PKD1L3: variants seen among roughly 807,000 people sequenced by gnomAD.
PKD1L3 encodes polycystin-1-like protein 3.
In PKD1L3, 239 loss-of-function variants were observed where a neutral mutation model predicts 184.1. The observed-to-expected ratio is 1.30, with a 90% CI of 1.17 to 1.45. The LOEUF is 1.45. Among genes scored for constraint, PKD1L3 ranks in the 40% most tolerant of loss-of-function variants. PKD1L3 has a pLI of 0.00. For synonymous variants in PKD1L3, 996 were observed against 778.8 expected (o/e 1.28, Z -4.64); for missense variants, 2,660 against 2,067.2 (o/e 1.29, Z -5.56).
At chr16:71,931,573 T>TCC (rs2037970954) in intron 28 of PKD1L3, among the ~76,000 whole-genome samples, 1 of 149,894 alleles carries the variant, frequency 6.7e-6, no homozygotes, top group South Asian at 2.1e-4. Flanking sequence ...CAAGCGATTC[T>TCC]CCTCAGTCAG....
chr16:71,937,366 T>G lies in PKD1L3; in HGVS notation c.4378A>C (p.Lys1460Gln). The stretch of plus-strand genomic sequence containing the variant: ...ATGATAGACCAGACACAGCCCTTCT[T>G]TGACATCTGAAGGGAAGTGAAGCTT... ...LESFTSLQMSKKGCVWSIISQ... is the reference protein window; with the variant it reads ...LESFTSLQMSQKGCVWSIISQ... Residue 1460 changes from lysine to glutamine, a missense_variant, in exon 25 of 30, where the codon AAG becomes CAG. By Grantham distance (53) the Lys-to-Gln change is moderately conservative. Transcript: ENST00000620267. 6.4e-7 allele frequency: 1 copy of G among 1,551,566 alleles called. No individual in the cohort carries two copies. The highest frequency in any genetic ancestry group is 1.4e-5 in the African/African-American group (1 of 73,158).
rs192243501 is a variant in PKD1L3 at position 71,977,919 on chromosome 16, C to A, written c.1527+336G>T. Among the ~76,000 whole-genome samples, 330 of 152,154 alleles carry A rather than the reference C, an allele frequency of 2.2e-3. 1 individual carries two copies. The highest frequency in any genetic ancestry group is 3.6e-3 in the Non-Finnish European group (248 of 67,980). ...CCTCCAGAGTAGCTGGGATAACAGC[C>A]ACCCACTGCCATGCCAGTTAATTTT... On this transcript the variant is annotated intron_variant, in intron 10 of 29. Transcript: ENST00000620267.
chr16:71,966,549 C>T lies in PKD1L3; in HGVS notation c.2465+588G>A, dbSNP rs186494763. Among the ~76,000 whole-genome samples, 117 of 151,846 alleles carry T rather than the reference C, an allele frequency of 7.7e-4. 2 individuals carry two copies. The Middle Eastern group carries it at 0.017, about 22-fold the overall frequency. ...TCAAGTTATCCTCCCACTTCAGTCT[C>T]CTGAGTAGCTGGGATTATAGGTGCA... On this transcript the variant is annotated intron_variant, in intron 15 of 29. Coordinates refer to ENST00000620267, the MANE Select transcript of PKD1L3 (RefSeq NM_181536.2).
intron 21 of PKD1L3, 49 bp downstream of exon 21, chr16:71,949,734 G>A: frequency 1.3e-6 from 2 of 1,488,210 alleles, no homozygotes; most frequent in East Asian, 4.9e-5. Flanking sequence ...AGGGACCTCA[G>A]TTCCCCTAAC....
At chr16:71,954,350 G>A in intron 16 of PKD1L3, 49 bp from the exon 17 acceptor site, 2 of 1,405,712 alleles carry the variant, frequency 1.4e-6, no homozygotes, top group Non-Finnish European at 1.9e-6. Flanking sequence ...TATTCTGAAA[G>A]TGCACCAGTT....
intron 28 of PKD1L3, among the ~76,000 whole-genome samples, chr16:71,932,038 C>T (rs1248905308): frequency 6.6e-6 from 1 of 152,162 alleles, no homozygotes; most frequent in Non-Finnish European, 1.5e-5. Flanking sequence ...GCTACCATGC[C>T]TGACTCTTCT....
chr16:71,936,710 C>A (rs1052057434), intron 25 of PKD1L3, among the ~76,000 whole-genome samples: 3 of 152,072 alleles, frequency 2.0e-5, no homozygotes, highest in Non-Finnish European at 2.9e-5. Flanking sequence ...TGGTCTCGAA[C>A]TCCCTCAGGT....
At chr16:71,929,914 T>A in intron 29 of PKD1L3, 138 bp downstream of exon 29, 1 of 1,161,166 alleles carries the variant, frequency 8.6e-7, no homozygotes, top group Non-Finnish European at 1.2e-6. Flanking sequence ...GGAAGATAGC[T>A]GGCAGAGCTT....
chr16:71,999,961 T>C lies in PKD1L3; in HGVS notation c.18A>G (p.Gly6=), dbSNP rs2040913501. The change falls in exon 1 of 30, where the codon GGA becomes GGG. Residue 6 remains glycine, a synonymous_variant. Coordinates refer to ENST00000620267, the MANE Select transcript of PKD1L3 (RefSeq NM_181536.2). ...TTCTGATGTATAACCAAAGCCAGCT[T>C]CCTCCTTTGAAGAACATTTTCTCTG... MFFKG[G]SWLWLYIRTS... is the part of the protein sequence containing the mutation. The C allele has an allele frequency of 1.3e-6, 2 of 1,525,068 alleles. No individual in the cohort carries two copies. Among genetic ancestry groups the C allele is most frequent in the African/African-American group, 2.8e-5 (2 of 72,502 alleles). 94.5% of individuals were successfully genotyped at this position (1,525,068 alleles called of 1,614,324 possible). A position where few individuals can be genotyped will look rare whatever the true frequency, so the allele number is the denominator to read the frequency against.
chr16:71,990,412 G>T, intron 3 of PKD1L3, 83 bp from the exon 4 acceptor site: 1 of 1,186,320 alleles, frequency 8.4e-7, no homozygotes, highest in Non-Finnish European at 1.2e-6. Flanking sequence ...TCTTATTCAT[G>T]GCTAAAAATA....
At chr16:71,983,086 CA>C (rs1200904571) in intron 6 of PKD1L3, among the ~76,000 whole-genome samples, 1 of 151,964 alleles carries the variant, frequency 6.6e-6, no homozygotes, top group Non-Finnish European at 1.5e-5. Flanking sequence ...GTGAGTAGAC[CA>C]AATATCCAAT....
At position 71,993,295 on chromosome 16, in the gene PKD1L3, A is replaced by T; in HGVS notation, c.456T>A (p.Asn152Lys). The stretch of plus-strand genomic sequence containing the variant: ...TCTGGTACAAATGGGAATTATTTCC[A>T]TTTCTTTCATAATGGGCATCTCCGT... ...FLDGDAHYER[N>K]GNNSHLYQRH... The change falls in exon 3 of 30, where the codon AAT (asparagine) becomes AAA (lysine). Residue 152 changes from asparagine (N) to lysine (K), a missense_variant. Asn to Lys is a moderately conservative substitution (Grantham distance 94). Coordinates refer to ENST00000620267, the MANE Select transcript of PKD1L3 (RefSeq NM_181536.2). 1 of 1,549,094 alleles carries T rather than the reference A, an allele frequency of 6.5e-7. No homozygotes were observed. The highest frequency in any genetic ancestry group is 8.7e-7 in the Non-Finnish European group (1 of 1,146,248).
intron 16 of PKD1L3, among the ~76,000 whole-genome samples, chr16:71,959,164 C>T (rs1309358143): frequency 6.6e-6 from 1 of 151,104 alleles, no homozygotes; most frequent in Non-Finnish European, 1.5e-5. Context: ...GTAATCTCAG[C>T]ACTTTGGGAG....
intron 15 of PKD1L3, 58 bp from the exon 16 acceptor site, chr16:71,963,409 G>C (rs2039362697): frequency 1.4e-6 from 2 of 1,445,912 alleles, no homozygotes; most frequent in Non-Finnish European, 1.9e-6. Flanking sequence ...GTTGTCTGTA[G>C]TAAGACGTAA....
rs74863398 is a variant in PKD1L3 at position 71,977,383 on chromosome 16, C to G, written c.1612G>C (p.Val538Leu). The change falls in exon 11 of 30, where the codon GTC becomes CTC. Residue 538 changes from valine (V) to leucine (L), a missense_variant. Coordinates refer to ENST00000620267, the MANE Select transcript of PKD1L3 (RefSeq NM_181536.2). ...STHQLTITVN[V>L]TSLEKSLIVS... ...ATCAAGGATTTCTCCAAGGAAGTGA[C>G]GTTCACTGTGATTGTAAGCTGATGT... 9 of 1,551,244 alleles carry G rather than the reference C, an allele frequency of 5.8e-6. No homozygotes were observed. Among genetic ancestry groups the G allele is most frequent in the Non-Finnish European group, 7.8e-6 (9 of 1,146,632 alleles).
At chr16:71,996,478 T>C (rs1359466259) in intron 2 of PKD1L3, among the ~76,000 whole-genome samples, 2 of 152,050 alleles carry the variant, frequency 1.3e-5, no homozygotes, top group South Asian at 2.1e-4. Context: ...GCCAGGATGG[T>C]CTCAATCTCT....
Position 71,999,687 on chromosome 16 carries a change from G to C in PKD1L3, c.292C>G (p.Pro98Ala). ...PLKKHQDNKY[P>A]ADVAANGPPK... ...ACACTGAACCCCAGGGTCTTACCTG[G>C]GTATTTGTTGTCTTGATGCTTTTTC... The change falls in exon 1 of 30, where the codon CCA becomes GCA. Residue 98 changes from proline to alanine, a missense_variant. Transcript: ENST00000620267. The C allele has an allele frequency of 6.5e-7, 1 of 1,543,216 alleles. No individual in the cohort carries two copies. The highest frequency in any genetic ancestry group is 2.5e-5 in the East Asian group (1 of 40,712).
At chr16:71,953,929 T>C (rs1161160459) in intron 17 of PKD1L3, among the ~76,000 whole-genome samples, 176 bp downstream of exon 17, 2 of 152,014 alleles carry the variant, frequency 1.3e-5, no homozygotes, top group Non-Finnish European at 2.9e-5. Flanking sequence ...AAGTATTGCA[T>C]AGTAGGCTGG....
chr16:71,995,256 T>C (rs114014157), intron 2 of PKD1L3, among the ~76,000 whole-genome samples: 1 of 143,736 alleles, frequency 7.0e-6, no homozygotes, highest in South Asian at 2.1e-4. Flanking sequence ...GGAGGAGCCC[T>C]GTAGGCCAAC....
Sources: gnomAD v4.1 joint callset for allele counts (sites outside exome capture counted in the v4.1 genomes callset) on GRCh38, gnomAD v4.1.1 for gene constraint, MANE v1.5 for transcripts, NCBI Gene and HGNC (gene_info 2026-07-23, HGNC 2026-07-21) for gene names.